Variants in IL17RE observed in about 807,000 individuals in gnomAD.
IL17RE encodes the protein interleukin-17 receptor E.
In IL17RE, 47 loss-of-function variants were observed where a neutral mutation model predicts 70.7. The observed-to-expected ratio is 0.67, with a 90% CI of 0.53 to 0.85. The LOEUF is 0.85. IL17RE is among the 40% of genes least tolerant of loss of function. The pLI, the probability that IL17RE is intolerant of heterozygous loss-of-function variation, is 0.00. For missense variants in IL17RE, 850 were observed against 893.9 expected (o/e 0.95, Z 0.63); for synonymous variants, 372 against 381.2 (o/e 0.98, Z 0.28).
At chr3:9,912,379 G>A (rs1463853533) in intron 12 of IL17RE, among the ~76,000 whole-genome samples, 1 of 152,054 alleles carries the variant, frequency 6.6e-6, no homozygotes, top group Non-Finnish European at 1.5e-5. Context: ...CCAGCTGTCC[G>A]CTACCACTAC....
chr3:9,906,008 G>C (rs2082745438), intron 3 of IL17RE, among the ~76,000 whole-genome samples: 1 of 152,026 alleles, frequency 6.6e-6, no homozygotes, highest in South Asian at 2.1e-4. Context: ...CCAGCACTTT[G>C]GGAGGCCGAG....
In IL17RE at chr3:9,910,856, C is replaced by T. The variant is rs754292429; in HGVS notation, c.803-9C>T. On this transcript the variant is annotated splice_polypyrimidine_tract_variant and intron_variant, in intron 8 of 15. Coordinates refer to ENST00000383814, the MANE Select transcript of IL17RE (RefSeq NM_153480.2). ...TGACCCTCACCCACTGACCCTGCCA[C>T]CTGCCCAGATGGCTCGGACTTCTGG... 1.2e-6 allele frequency: 2 copies of T among 1,612,030 alleles called. No individual in the cohort carries two copies. The highest frequency in any genetic ancestry group is 1.1e-5 in the South Asian group (1 of 90,864).
At position 9,911,054 on chromosome 3, in the gene IL17RE, C is replaced by T. The variant is rs766982447; in HGVS notation, c.978+14C>T. ...GAGTCAGATGGGGTGAGGACAGGTT[C>T]CCCCAGGACCAGGGTGGGCAGGGCT... is the stretch of plus-strand genomic sequence containing the variant. On this transcript the variant is annotated intron_variant, in intron 9 of 15. Coordinates refer to ENST00000383814, the MANE Select transcript of IL17RE (RefSeq NM_153480.2). 20 of 1,613,528 alleles carry T rather than the reference C, an allele frequency of 1.2e-5. 1 individual carries two copies. The East Asian group carries it at 4.0e-4, about 32-fold the overall frequency.
intron 8 of IL17RE, chr3:9,909,487 T>C: frequency 1.6e-6 from 1 of 608,890 alleles, no homozygotes; most frequent in Non-Finnish European, 3.0e-6. Context: ...TGCCAATAGA[T>C]CAGAGATCGC....
chr3:9,915,119 C>A lies in IL17RE; in HGVS notation c.1448-132C>A. On this transcript the variant is annotated intron_variant, in intron 15 of 15. Transcript: ENST00000383814. This position sits in a 1 kb window ranked among gnomAD's most constrained non-coding sequence, Gnocchi z 4.9. ...AGGCTAGGGCTGTTTTCGGTACCAA[C>A]CCCCAGAGCAAATAAGGGGCGGGGG... 8.0e-7 allele frequency: 1 copy of A among 1,252,206 alleles called. No homozygotes were observed. The highest frequency in any genetic ancestry group is 1.0e-6 in the Non-Finnish European group (1 of 974,732). 77.6% of individuals were successfully genotyped at this position (1,252,206 alleles called of 1,614,324 possible). A position where few individuals can be genotyped will look rare whatever the true frequency, so the allele number is the denominator to read the frequency against.
chr3:9,906,313 C>T (rs279581), intron 3 of IL17RE, 51 bp from the exon 4 acceptor site: 516,367 of 1,002,022 alleles, frequency 0.52, 139,617 homozygotes, highest in African/African-American at 0.66. Flanking sequence ...CATCTCCAGG[C>T]AGGGGAGGGG....
chr3:9,913,775 C>G (rs1455726507), intron 12 of IL17RE, among the ~76,000 whole-genome samples, 181 bp from the exon 13 acceptor site: 1 of 152,186 alleles, frequency 6.6e-6, no homozygotes, highest in Non-Finnish European at 1.5e-5. Context: ...GAGCTGAGCT[C>G]TGGGAAAGAT....
chr3:9,903,605 C>A (rs1225634066), intron 2 of IL17RE, among the ~76,000 whole-genome samples, 193 bp downstream of exon 2: 1 of 152,176 alleles, frequency 6.6e-6, no homozygotes, highest in African/African-American at 2.4e-5. Context: ...AGACTGTGCA[C>A]CTAACCCCTC....
intron 12 of IL17RE, chr3:9,911,808 T>TTTTTTTC: frequency 4.7e-6 from 1 of 213,714 alleles, no homozygotes; most frequent in Non-Finnish European, 9.1e-6. Flanking sequence ...TCTTTTTTTC[T>TTTTTTTC]TTTTTTTTTT....
chr3:9,915,903 G>A lies in IL17RE; in HGVS notation c.*96G>A. On this transcript the variant is annotated 3_prime_UTR_variant, in exon 16 of 16. Coordinates refer to ENST00000383814, the MANE Select transcript of IL17RE (RefSeq NM_153480.2). This position sits in a 1 kb window ranked among gnomAD's most constrained non-coding sequence, Gnocchi z 4.9. ...AGCCTTCGACCCTGAAATCCTTGGG[G>A]TGCCTCGAGGACGACTGGCCGAAAA... The A allele has an allele frequency of 7.3e-7, 1 of 1,367,062 alleles. No homozygotes were observed. The highest frequency in any genetic ancestry group is 9.4e-7 in the Non-Finnish European group (1 of 1,062,600). The allele number at this position is 1,367,062 out of a possible 1,614,324, so 84.7% of individuals were successfully genotyped here.
chr3:9,911,615 C>G lies in IL17RE; in HGVS notation c.1227+18C>G, dbSNP rs961437054. The G allele has an allele frequency of 6.2e-7, 1 of 1,605,450 alleles. No individual in the cohort carries two copies. The highest frequency in any genetic ancestry group is 8.5e-7 in the Non-Finnish European group (1 of 1,173,190). ...TCAGCCAGGTATGGCCTCGCCCCCA[C>G]TAGGTCCTATTGCTCAGAGCACAGC... On this transcript the variant is annotated intron_variant, in intron 12 of 15. Transcript: ENST00000383814.
chr3:9,903,171 G>T (rs752712580), intron 1 of IL17RE, 107 bp downstream of exon 1: 2 of 1,101,614 alleles, frequency 1.8e-6, no homozygotes, highest in African/African-American at 1.6e-5. Flanking sequence ...TCTGGTGGCA[G>T]CTTTGATGTG....
Position 9,904,167 on chromosome 3 carries a change from C to T in IL17RE, c.268+16C>T, listed in dbSNP as rs1189676683. ...GGTGGCTCAGGTATGAGAAACAGCC[C>T]CTTGGGCCATTCTCAGTGAAGAGAA... On this transcript the variant is annotated intron_variant, in intron 3 of 15. Transcript: ENST00000383814. 1 of 1,613,418 alleles carries T rather than the reference C, an allele frequency of 6.2e-7. No homozygotes were observed. The highest frequency in any genetic ancestry group is 8.5e-7 in the Non-Finnish European group (1 of 1,179,454).
At chr3:9,914,922 G>C in intron 15 of IL17RE, 145 bp downstream of exon 15, 1 of 741,480 alleles carries the variant, frequency 1.3e-6, no homozygotes, top group Non-Finnish European at 2.2e-6. Context: ...AAGTGAGCAG[G>C]AATGGTTAAG....
chr3:9,904,029 C>T lies in IL17RE; in HGVS notation c.149-3C>T, dbSNP rs747369258. 6.2e-7 allele frequency: 1 copy of T among 1,614,058 alleles called. No homozygotes were observed. Among genetic ancestry groups the T allele is most frequent in the Non-Finnish European group, 8.5e-7 (1 of 1,179,978 alleles). On this transcript the variant is annotated splice_region_variant and splice_polypyrimidine_tract_variant and intron_variant, in intron 2 of 15. Coordinates refer to ENST00000383814, the MANE Select transcript of IL17RE (RefSeq NM_153480.2). ...CATTTGCTTTCCCTTCCATCTTTCC[C>T]AGGAAGTTCTGCCTATATCCCTTGC...
chr3:9,912,235 C>A (rs942761022), intron 12 of IL17RE, among the ~76,000 whole-genome samples: 3 of 152,124 alleles, frequency 2.0e-5, no homozygotes, highest in Non-Finnish European at 4.4e-5. Flanking sequence ...TGAAACCATT[C>A]CCCCAAACCC....
chr3:9,912,244 C>G (rs893109853), intron 12 of IL17RE, among the ~76,000 whole-genome samples: 7 of 152,080 alleles, frequency 4.6e-5, no homozygotes, highest in African/African-American at 1.4e-4. Context: ...TCCCCCAAAC[C>G]CCAACCCCTT....
At chr3:9,902,526 A>G, upstream of IL17RE, 5 of 1,068,792 alleles carry the variant, frequency 4.7e-6, no homozygotes, top group Non-Finnish European at 6.9e-6. Flanking sequence ...GAGGGGGTGA[A>G]GCGCATGTCT....
chr3:9,906,308 C>G, intron 3 of IL17RE, 56 bp from the exon 4 acceptor site: 1 of 955,096 alleles, frequency 1.0e-6, no homozygotes, highest in South Asian at 1.4e-5. Flanking sequence ...GGCCACATCT[C>G]CAGGCAGGGG....
Sources: gnomAD v4.1 joint callset for allele counts (sites outside exome capture counted in the v4.1 genomes callset) on GRCh38, gnomAD v4.1.1 for gene constraint, Gnocchi (gnomAD v3.1) non-coding constraint, MANE v1.5 for transcripts, NCBI Gene and HGNC (gene_info 2026-07-23, HGNC 2026-07-21) for gene names.